The following SDCBP variants were observed in gnomAD, a reference collection of about 807,000 sequenced individuals.
SDCBP encodes the protein syntenin-1.
SDCBP carries 22 observed loss-of-function variants against 30.5 expected under a neutral mutation model. That is an observed-to-expected ratio of 0.72 (90% confidence interval 0.52 to 1.03). The LOEUF (loss-of-function observed/expected upper bound fraction) is 1.03. SDCBP is among the 50% of genes least tolerant of loss of function. SDCBP has a pLI of 0.00. For synonymous variants in SDCBP, 103 were observed against 118.7 expected (o/e 0.87, Z 0.86); for missense variants, 304 against 369.9 (o/e 0.82, Z 1.46).
intron 4 of SDCBP, among the ~76,000 whole-genome samples, chr8:58,572,800 CTTTTTT>C (rs947602204): frequency 1.2e-5 from 1 of 83,140 alleles, no homozygotes; most frequent in Non-Finnish European, 2.2e-5. Context: ...TGCTCATAAT[CTTTTTT>C]TTTTTTTTTT....
intron 3 of SDCBP, among the ~76,000 whole-genome samples, chr8:58,571,325 A>G (rs896759889): frequency 4.6e-5 from 7 of 152,062 alleles, no homozygotes; most frequent in African/African-American, 7.2e-5. Flanking sequence ...AACTTTCTGA[A>G]TTGTCTTCTG....
chr8:58,556,213 G>C (rs773850812), intron 1 of SDCBP, among the ~76,000 whole-genome samples: 11 of 152,196 alleles, frequency 7.2e-5, no homozygotes, highest in Non-Finnish European at 1.5e-4. Context: ...TCCACGGACG[G>C]GATAGGTGGA....
intron 2 of SDCBP, among the ~76,000 whole-genome samples, chr8:58,565,296 A>AT (rs1175486476): frequency 2.0e-5 from 3 of 151,990 alleles, no homozygotes; most frequent in African/African-American, 7.2e-5. Flanking sequence ...TAGGCATGAG[A>AT]TTTTTTTAAT....
chr8:58,578,293 T>G (rs1805463480), intron 6 of SDCBP, 85 bp downstream of exon 6: 2 of 1,014,862 alleles, frequency 2.0e-6, no homozygotes, highest in South Asian at 3.8e-5. Flanking sequence ...AGTATATTAT[T>G]TTGTTGCAGA....
chr8:58,565,257 A>AT (rs528831420), intron 2 of SDCBP, among the ~76,000 whole-genome samples, 173 bp downstream of exon 2: 38 of 149,968 alleles, frequency 2.5e-4, no homozygotes, highest in African/African-American at 4.4e-4. Context: ...AAAATTAGCA[A>AT]TTTTTTTTTT....
chr8:58,562,170 G>GT (rs1465154982), intron 1 of SDCBP, among the ~76,000 whole-genome samples: 2 of 151,796 alleles, frequency 1.3e-5, no homozygotes, highest in Non-Finnish European at 2.9e-5. Context: ...AAATGTCATT[G>GT]TAAGTCCTTC....
At chr8:58,579,840 T>C in intron 7 of SDCBP, 46 bp downstream of exon 7, 2 of 1,527,326 alleles carry the variant, frequency 1.3e-6, no homozygotes, top group Non-Finnish European at 8.8e-7. Context: ...TTTTAGAAAA[T>C]GTCTGTCTTT....
intron 5 of SDCBP, 145 bp downstream of exon 5, chr8:58,576,206 T>C (rs1411060704): frequency 2.1e-5 from 14 of 663,624 alleles, no homozygotes; most frequent in South Asian, 4.3e-5. Flanking sequence ...ACTTAAATGT[T>C]TTCAATTGGG....
intron 1 of SDCBP, among the ~76,000 whole-genome samples, chr8:58,554,106 T>C (rs992179418): frequency 6.6e-6 from 1 of 152,218 alleles, no homozygotes; most frequent in African/African-American, 2.4e-5. Flanking sequence ...GTGTCCATTT[T>C]TGAAAGGAGT....
chr8:58,581,602 A>G, intron 8 of SDCBP, 84 bp from the exon 9 acceptor site: 1 of 984,274 alleles, frequency 1.0e-6, no homozygotes, highest in South Asian at 1.3e-5. Context: ...CTAAATTGGA[A>G]TTGGGAATTT....
At position 58,565,090 on chromosome 8, in the gene SDCBP, A is replaced by G. The variant is rs199925896; in HGVS notation, c.51+6A>G. On this transcript the variant is annotated splice_donor_region_variant and intron_variant, in intron 2 of 8. Coordinates refer to ENST00000260130, the MANE Select transcript of SDCBP (RefSeq NM_005625.4). ...AGGTAGACAAAGTAATTCAGGTATG[A>G]TAGTTTAAATACTTTTGTCAAAACA... 4 of 1,502,754 alleles carry G rather than the reference A, an allele frequency of 2.7e-6. No individual in the cohort carries two copies. In the African/African-American group the frequency reaches 5.6e-5, roughly 21 times the overall value. The allele number at this position is 1,502,754 out of a possible 1,614,324, so 93.1% of individuals were successfully genotyped here. A position where few individuals can be genotyped will look rare whatever the true frequency, so the allele number is the denominator to read the frequency against.
At chr8:58,557,783 C>T (rs547112151) in intron 1 of SDCBP, among the ~76,000 whole-genome samples, 37 of 152,132 alleles carry the variant, frequency 2.4e-4, no homozygotes, top group Admixed American at 2.0e-3. Flanking sequence ...TGATCAAACC[C>T]TTAAAGAGTA....
chr8:58,559,640 T>C (rs1804331281), intron 1 of SDCBP, among the ~76,000 whole-genome samples: 1 of 152,090 alleles, frequency 6.6e-6, no homozygotes, highest in South Asian at 2.1e-4. Flanking sequence ...TACTGGAGAT[T>C]ATAGCCAGAG....
At chr8:58,558,567 C>T (rs1433083958) in intron 1 of SDCBP, among the ~76,000 whole-genome samples, 6 of 152,152 alleles carry the variant, frequency 3.9e-5, no homozygotes, top group East Asian at 1.9e-4. Flanking sequence ...ACAGGCACTG[C>T]GCCCAGCTAC....
intron 1 of SDCBP, among the ~76,000 whole-genome samples, chr8:58,557,143 A>T (rs1265938422): frequency 1.0e-5 from 1 of 98,672 alleles, no homozygotes; most frequent in East Asian, 3.5e-4. Flanking sequence ...TATTATATAC[A>T]ATATTATAAT....
chr8:58,569,907 AC>A (rs1276348620), intron 2 of SDCBP, among the ~76,000 whole-genome samples: 2 of 152,208 alleles, frequency 1.3e-5, no homozygotes, highest in Non-Finnish European at 2.9e-5. Flanking sequence ...TAATTTTAGT[AC>A]CATTCAAAGC....
intron 2 of SDCBP, among the ~76,000 whole-genome samples, chr8:58,570,133 G>A (rs910012064): frequency 6.6e-6 from 1 of 152,136 alleles, no homozygotes; most frequent in Non-Finnish European, 1.5e-5. Flanking sequence ...CAGAAAGTCA[G>A]ATCTAATTGT....
intron 2 of SDCBP, among the ~76,000 whole-genome samples, chr8:58,568,150 T>C (rs1347138468): frequency 6.6e-6 from 1 of 152,250 alleles, no homozygotes; most frequent in Non-Finnish European, 1.5e-5. Context: ...TGTAATAACA[T>C]AGTTTAAAAC....
chr8:58,556,281 C>G (rs1469366652), intron 1 of SDCBP, among the ~76,000 whole-genome samples: 1 of 152,122 alleles, frequency 6.6e-6, no homozygotes, highest in Admixed American at 6.5e-5. Context: ...CTTGCATGCA[C>G]AATTCACAAT....
Sources: gnomAD v4.1 joint callset for allele counts (sites outside exome capture counted in the v4.1 genomes callset) on GRCh38, gnomAD v4.1.1 for gene constraint, MANE v1.5 for transcripts, NCBI Gene and HGNC (gene_info 2026-07-23, HGNC 2026-07-21) for gene names.